FRMD4A: variants seen among roughly 807,000 people sequenced by gnomAD.
FRMD4A encodes FERM domain containing 4A.
In FRMD4A, 29 loss-of-function variants were observed where a neutral mutation model predicts 129.1. That is an observed-to-expected ratio of 0.22 (90% CI 0.17 to 0.31). FRMD4A has a LOEUF of 0.31. FRMD4A is among the 10% of genes least tolerant of loss of function. FRMD4A has a pLI of 1.00. For missense variants in FRMD4A, 1,272 were observed against 1,375.8 expected (o/e 0.92, Z 1.19); for synonymous variants, 634 against 571.6 (o/e 1.11, Z -1.56).
chr10:14,195,383 A>T (rs1842442636), intron 2 of FRMD4A, among the ~76,000 whole-genome samples: 1 of 152,112 alleles, frequency 6.6e-6, no homozygotes, highest in African/African-American at 2.4e-5. Flanking sequence ...CTGAGATAGT[A>T]TATCTTTCTG....
At chr10:13,745,891 A>T (rs1488579989) in intron 9 of FRMD4A, among the ~76,000 whole-genome samples, 1 of 152,042 alleles carries the variant, frequency 6.6e-6, no homozygotes, top group Non-Finnish European at 1.5e-5. Flanking sequence ...GGAATTAGGG[A>T]GGTGGGTAAT....
intron 2 of FRMD4A, among the ~76,000 whole-genome samples, chr10:14,162,254 C>G (rs1478390568): frequency 6.6e-6 from 1 of 152,144 alleles, no homozygotes; most frequent in Non-Finnish European, 1.5e-5. Flanking sequence ...GCATCTCTAA[C>G]TGATTCATTG....
chr10:13,853,876 GA>G (rs2094176205), intron 3 of FRMD4A, among the ~76,000 whole-genome samples: 2 of 143,004 alleles, frequency 1.4e-5, no homozygotes, highest in South Asian at 4.6e-4. Flanking sequence ...GGATGGGGAA[GA>G]AATTCGGCCA....
intron 12 of FRMD4A, among the ~76,000 whole-genome samples, chr10:13,734,206 T>C (rs2090486327): frequency 6.6e-6 from 1 of 152,156 alleles, no homozygotes; most frequent in Admixed American, 6.6e-5. Flanking sequence ...CTCAACATCT[T>C]GGTTCCCCTT....
intron 2 of FRMD4A, among the ~76,000 whole-genome samples, chr10:13,865,986 CTA>C (rs1223155854): frequency 3.9e-5 from 6 of 152,158 alleles, no homozygotes; most frequent in African/African-American, 1.2e-4. Context: ...TTTTTTTAGT[CTA>C]GTTACCAATT....
At chr10:13,652,175 G>A (rs2081678157) in intron 23 of FRMD4A, 1 of 597,362 alleles carries the variant, frequency 1.7e-6, no homozygotes, top group Non-Finnish European at 3.0e-6. Flanking sequence ...TTTGTTAGGA[G>A]GGACGGGCCC....
chr10:13,690,861 G>A (rs1370831803), intron 15 of FRMD4A, among the ~76,000 whole-genome samples: 1 of 152,226 alleles, frequency 6.6e-6, no homozygotes, highest in African/African-American at 2.4e-5. Context: ...TAGGTGTACA[G>A]ATGGATTAAG....
intron 2 of FRMD4A, among the ~76,000 whole-genome samples, chr10:13,903,747 G>A (rs751914590): frequency 1.4e-4 from 22 of 152,026 alleles, no homozygotes; most frequent in Admixed American, 6.6e-5. Context: ...GGGCGTGGTG[G>A]TGACATGTGC....
intron 2 of FRMD4A, among the ~76,000 whole-genome samples, chr10:14,121,226 G>A (rs1403820960): frequency 6.6e-6 from 1 of 152,084 alleles, no homozygotes; most frequent in Non-Finnish European, 1.5e-5. Context: ...AAGTTAGCCG[G>A]GCATGGTGGC....
chr10:13,956,349 G>A (rs993297938), intron 2 of FRMD4A, among the ~76,000 whole-genome samples: 3 of 152,092 alleles, frequency 2.0e-5, no homozygotes, highest in Admixed American at 6.6e-5. Flanking sequence ...ATGGGGTTTC[G>A]CCATGTGGGC....
intron 2 of FRMD4A, among the ~76,000 whole-genome samples, chr10:14,051,681 G>T (rs1834266376): frequency 6.6e-6 from 1 of 152,202 alleles, no homozygotes; most frequent in Non-Finnish European, 1.5e-5. Context: ...GTTGGCCCTG[G>T]GAGAGAGAGG....
intron 2 of FRMD4A, among the ~76,000 whole-genome samples, chr10:14,029,254 G>A (rs1041311389): frequency 7.9e-5 from 12 of 151,998 alleles, no homozygotes; most frequent in Non-Finnish European, 1.6e-4. Context: ...TAGAAGTCTC[G>A]GTGGTGGGGT....
intron 3 of FRMD4A, among the ~76,000 whole-genome samples, chr10:13,818,343 T>A (rs1384814307): frequency 6.6e-6 from 1 of 151,974 alleles, no homozygotes; most frequent in Non-Finnish European, 1.5e-5. Flanking sequence ...AAAAAAAAAT[T>A]TTTTTTTGTA....
intron 9 of FRMD4A, among the ~76,000 whole-genome samples, chr10:13,746,242 C>T (rs777184938): frequency 1.8e-4 from 28 of 152,012 alleles, no homozygotes; most frequent in Non-Finnish European, 3.7e-4. Flanking sequence ...GATGGACTCT[C>T]GCTCTGTCGC....
intron 4 of FRMD4A, among the ~76,000 whole-genome samples, chr10:13,805,072 G>A (rs2093336544): frequency 6.6e-6 from 1 of 152,156 alleles, no homozygotes; most frequent in South Asian, 2.1e-4. Flanking sequence ...ATGAAGGAAA[G>A]GGAATATAAC....
At chr10:13,664,571 T>A (rs914893450) in intron 18 of FRMD4A, among the ~76,000 whole-genome samples, 4 of 152,212 alleles carry the variant, frequency 2.6e-5, no homozygotes, top group African/African-American at 9.7e-5. Context: ...GACTTCGGCA[T>A]CTTGGAATCT....
chr10:13,905,033 A>G (rs1045715842), intron 2 of FRMD4A, among the ~76,000 whole-genome samples: 1 of 150,974 alleles, frequency 6.6e-6, no homozygotes, highest in African/African-American at 2.4e-5. Context: ...GCATTTGACC[A>G]GTGTTAATAC....
intron 2 of FRMD4A, among the ~76,000 whole-genome samples, chr10:14,005,651 T>C (rs537814048): frequency 1.7e-4 from 26 of 152,336 alleles, no homozygotes; most frequent in African/African-American, 5.1e-4. Flanking sequence ...ATAACCCTTT[T>C]CTCAGGGCCA....
intron 5 of FRMD4A, among the ~76,000 whole-genome samples, chr10:13,787,483 A>G (rs755096515): frequency 6.6e-6 from 1 of 151,572 alleles, no homozygotes; most frequent in Non-Finnish European, 1.5e-5. Context: ...TCTTTTTGAG[A>G]TGGGGTCTTG....
Sources: allele counts gnomAD v4.1 joint callset (sites outside exome capture counted in the v4.1 genomes callset), GRCh38; gene constraint gnomAD v4.1.1; transcripts MANE v1.5; gene names NCBI Gene and HGNC (gene_info 2026-07-23, HGNC 2026-07-21).